Variants in WDFY2 observed in about 807,000 individuals in gnomAD.
WDFY2 encodes WD repeat and FYVE domain-containing protein 2.
WDFY2 carries 36 observed loss-of-function variants against 56.4 expected under a neutral mutation model. That is an observed-to-expected ratio of 0.64 (90% CI 0.49 to 0.84). The LOEUF is 0.84. Ranked by LOEUF, WDFY2 falls within the 40% of genes least tolerant of loss-of-function variation. The probability of loss-of-function intolerance (pLI) is 0.00; values close to 1 mark genes in which losing one functional copy is unlikely to be tolerated. For synonymous variants in WDFY2, 176 were observed against 183.7 expected, an observed-to-expected ratio of 0.96 and a Z score of 0.34; for missense variants, 444 against 512.2, an observed-to-expected ratio of 0.87 and a Z score of 1.29.
chr13:51,722,791 C>T (rs1316358931), intron 5 of WDFY2, among the ~76,000 whole-genome samples: 2 of 152,204 alleles, frequency 1.3e-5, no homozygotes, highest in Admixed American at 1.3e-4. Context: ...CCCAAAGACC[C>T]CATGGCAGGT....
chr13:51,616,306 A>G (rs1384834986), intron 1 of WDFY2, among the ~76,000 whole-genome samples: 1 of 152,206 alleles, frequency 6.6e-6, no homozygotes, highest in African/African-American at 2.4e-5. Context: ...AGCGATTTTT[A>G]TGACTTGTTT....
chr13:51,703,903 C>G (rs1258209997), intron 4 of WDFY2, among the ~76,000 whole-genome samples: 1 of 152,174 alleles, frequency 6.6e-6, no homozygotes, highest in Non-Finnish European at 1.5e-5. Flanking sequence ...CCTTTGTCTT[C>G]CTACTATACC....
rs1016277069 is a variant in WDFY2, at chr13:51,710,907, A to C, written c.334+7257A>C. On this transcript the variant is annotated intron_variant, in intron 4 of 11. Transcript: ENST00000298125. ...CAATGCCATCTCCATCAAGCTACCA[A>C]TGACTTTCTTCACAGAATTGGAAAA... 2.5e-4 allele frequency among the ~76,000 whole-genome samples: 38 copies of C among 152,164 alleles called. 1 individual carries two copies. The highest frequency in any genetic ancestry group is 5.0e-4 in the Non-Finnish European group (34 of 68,034).
intron 7 of WDFY2, among the ~76,000 whole-genome samples, chr13:51,750,623 A>G (rs1452461582): frequency 2.0e-5 from 3 of 152,002 alleles, no homozygotes; most frequent in Non-Finnish European, 4.4e-5. Flanking sequence ...GCTAGCAATC[A>G]CTCAGACCAT....
In WDFY2 at chr13:51,755,385, T is replaced by G; in HGVS notation, c.859T>G (p.Cys287Gly). 6.2e-7 allele frequency: 1 copy of G among 1,614,214 alleles called. No homozygotes were observed. The highest frequency in any genetic ancestry group is 8.5e-7 in the Non-Finnish European group (1 of 1,180,026). Residue 287 changes from cysteine to glycine, a missense_variant, in exon 9 of 12, where the codon TGC (cysteine) becomes GGC (glycine). Physicochemically the swap from Cys to Gly is radical, Grantham distance 159 (BLOSUM62 -3). Transcript: ENST00000298125. The part of the protein sequence containing the change: ...ETPEWLDSDS[C>G]QKCDQPFFWN... ...CCCTGAATGGTTGGACAGTGATTCCTGCCAAAAGTGTGATCAGCCTTTCTT... is the reference window on the plus strand; with the variant it reads ...CCCTGAATGGTTGGACAGTGATTCCGGCCAAAAGTGTGATCAGCCTTTCTT...
chr13:51,707,221 G>A (rs1399587713), intron 4 of WDFY2, among the ~76,000 whole-genome samples: 5 of 152,170 alleles, frequency 3.3e-5, no homozygotes, highest in Non-Finnish European at 7.3e-5. Flanking sequence ...GTGCAGTGGT[G>A]TGATCTCAAC....
chr13:51,598,968 G>C (rs1023348913), intron 1 of WDFY2, among the ~76,000 whole-genome samples: 19 of 150,242 alleles, frequency 1.3e-4, no homozygotes, highest in Non-Finnish European at 2.8e-4. Flanking sequence ...GAGTACAGTG[G>C]TATAATCTCG....
intron 6 of WDFY2, among the ~76,000 whole-genome samples, chr13:51,731,439 A>C (rs891741362): frequency 3.3e-5 from 5 of 152,192 alleles, no homozygotes; most frequent in Non-Finnish European, 7.4e-5. Context: ...TTTTCACTTT[A>C]TTTTTATCAA....
chr13:51,597,018 A>G (rs143016331), intron 1 of WDFY2, among the ~76,000 whole-genome samples: 2 of 152,150 alleles, frequency 1.3e-5, no homozygotes, highest in Non-Finnish European at 2.9e-5. Flanking sequence ...CTCTGGGGGC[A>G]TGTGTGGGCT....
At chr13:51,662,558 A>G (rs894453395) in intron 2 of WDFY2, among the ~76,000 whole-genome samples, 1 of 152,176 alleles carries the variant, frequency 6.6e-6, no homozygotes, top group Non-Finnish European at 1.5e-5. Context: ...CCTTTCCCCT[A>G]TACAAATACA....
intron 5 of WDFY2, among the ~76,000 whole-genome samples, 189 bp downstream of exon 5, chr13:51,719,537 C>G (rs773822925): frequency 2.0e-5 from 3 of 152,162 alleles, no homozygotes; most frequent in Non-Finnish European, 4.4e-5. Context: ...GAAGTGCGGT[C>G]ACTTGACCTG....
chr13:51,694,866 A>G (rs2138558608), intron 3 of WDFY2, among the ~76,000 whole-genome samples: 1 of 152,094 alleles, frequency 6.6e-6, no homozygotes, highest in Admixed American at 6.6e-5. Context: ...TATTTCTTGG[A>G]GGCTTTGTTC....
At chr13:51,745,404 G>A (rs1366613280) in intron 7 of WDFY2, among the ~76,000 whole-genome samples, 3 of 152,220 alleles carry the variant, frequency 2.0e-5, no homozygotes, top group African/African-American at 7.2e-5. Flanking sequence ...AGGCAATGGA[G>A]AATGTGAAAA....
At chr13:51,659,101 A>G (rs576778265) in intron 1 of WDFY2, among the ~76,000 whole-genome samples, 1 of 151,888 alleles carries the variant, frequency 6.6e-6, no homozygotes, top group Non-Finnish European at 1.5e-5. Context: ...TAATTTTTGT[A>G]TTTTTAGTAG....
chr13:51,649,346 G>A (rs1955322996), intron 1 of WDFY2, among the ~76,000 whole-genome samples: 1 of 151,960 alleles, frequency 6.6e-6, no homozygotes, highest in East Asian at 1.9e-4. Context: ...GGTGCATTTG[G>A]CCCTGTCCTG....
intron 3 of WDFY2, among the ~76,000 whole-genome samples, chr13:51,678,426 C>A (rs1306471620): frequency 6.6e-6 from 1 of 152,124 alleles, no homozygotes; most frequent in Non-Finnish European, 1.5e-5. Context: ...TGCTTAAATT[C>A]TGAGATAGTT....
intron 1 of WDFY2, among the ~76,000 whole-genome samples, chr13:51,593,396 G>T (rs1000336455): frequency 2.0e-5 from 3 of 151,920 alleles, no homozygotes; most frequent in African/African-American, 7.3e-5. Context: ...ATACATATAG[G>T]TGTCCCCTTC....
intron 3 of WDFY2, among the ~76,000 whole-genome samples, chr13:51,700,614 A>T (rs1226006458): frequency 3.9e-5 from 6 of 152,252 alleles, no homozygotes; most frequent in Admixed American, 3.9e-4. Context: ...AATGCATTTA[A>T]TGTAATATTT....
chr13:51,723,639 G>GT (rs1235813798), intron 5 of WDFY2, among the ~76,000 whole-genome samples: 3 of 152,126 alleles, frequency 2.0e-5, no homozygotes, highest in African/African-American at 7.2e-5. Flanking sequence ...CAGCCTTTTA[G>GT]TGAGAGCATT....
Sources: allele counts gnomAD v4.1 joint callset (sites outside exome capture counted in the v4.1 genomes callset), GRCh38; gene constraint gnomAD v4.1.1; transcripts MANE v1.5; gene names NCBI Gene and HGNC (gene_info 2026-07-23, HGNC 2026-07-21).